The following ACACA variants were observed in gnomAD, a reference collection of about 807,000 sequenced individuals.
The protein encoded by ACACA is acetyl-CoA carboxylase 1.
A neutral mutation model predicts 296.1 loss-of-function variants in ACACA; 103 were observed. That is an observed-to-expected ratio of 0.35 (90% CI 0.30 to 0.41). The LOEUF is 0.41. Ranked by LOEUF, ACACA falls within the 10% of genes least tolerant of loss-of-function variation. The pLI is 1.00. For synonymous variants in ACACA, 953 were observed against 1,038.6 expected (o/e 0.92, Z 1.58); for missense variants, 1,554 against 2,989.7 (o/e 0.52, Z 11.20).
intron 48 of ACACA, 136 bp downstream of exon 48, chr17:37,125,562 G>T: frequency 1.1e-6 from 1 of 888,330 alleles, no homozygotes; most frequent in Non-Finnish European, 1.8e-6. Flanking sequence ...TTTGCCTTGG[G>T]CATGGCTATA....
intron 1 of ACACA, among the ~76,000 whole-genome samples, chr17:37,391,225 G>A (rs932918955): frequency 2.3e-4 from 35 of 152,022 alleles, no homozygotes; most frequent in Admixed American, 9.8e-4. Flanking sequence ...GTGACAGAGC[G>A]AGACTCTGTC....
chr17:37,241,148 T>C (rs1324684598), intron 23 of ACACA, among the ~76,000 whole-genome samples: 3 of 152,018 alleles, frequency 2.0e-5, no homozygotes, highest in Non-Finnish European at 2.9e-5. Flanking sequence ...TGAGCTGAGA[T>C]TGTGCTACTG....
intron 22 of ACACA, among the ~76,000 whole-genome samples, chr17:37,242,300 C>G (rs1410350684): frequency 6.6e-6 from 1 of 152,188 alleles, no homozygotes; most frequent in Non-Finnish European, 1.5e-5. Context: ...AAACTATCAT[C>G]TTACCAATAT....
intron 30 of ACACA, among the ~76,000 whole-genome samples, chr17:37,209,339 T>A (rs572136637): frequency 1.0e-3 from 157 of 152,334 alleles, no homozygotes; most frequent in Non-Finnish European, 2.0e-3. Flanking sequence ...TCTACTTGCT[T>A]GGCATTAGAC....
chr17:37,090,225 C>T (rs1040029962), intron 54 of ACACA, among the ~76,000 whole-genome samples: 1 of 152,168 alleles, frequency 6.6e-6, no homozygotes, highest in Non-Finnish European at 1.5e-5. Context: ...GAGCACTAGG[C>T]TATTTTCTAA....
intron 45 of ACACA, chr17:37,144,443 C>T (rs1262943667): frequency 3.3e-6 from 1 of 298,760 alleles, no homozygotes; most frequent in Non-Finnish European, 6.4e-6. Flanking sequence ...ATCTCTCCTT[C>T]CCTTCTTGAG....
At position 37,193,404 on chromosome 17, in the gene ACACA, A is replaced by G; in HGVS notation, c.4170T>C (p.Pro1390=). 1 of 1,602,178 alleles carries G rather than the reference A, an allele frequency of 6.2e-7. No homozygotes were observed. The highest frequency in any genetic ancestry group is 8.6e-7 in the Non-Finnish European group (1 of 1,169,412). ...EVDRRFHREF[P]KFFTFRARDK... is the part of the protein sequence containing the mutation. ...CCCTTGCTCGGAATGTAAAAAATTT[A>G]GGGAATTCTCTCTGTATTAAAGAAG... The change falls in exon 36 of 56, where the codon CCT becomes CCC. Residue 1390 remains proline (P), a synonymous_variant. Transcript: ENST00000616317.
intron 3 of ACACA, among the ~76,000 whole-genome samples, chr17:37,311,429 T>TAC (rs937738388): frequency 2.1e-5 from 3 of 145,580 alleles, no homozygotes; most frequent in Admixed American, 6.9e-5. Context: ...CACACACAAA[T>TAC]ACACACACAC....
At chr17:37,390,330 A>ATATATATATCTATATATATATATATATC (rs1386032855) in intron 1 of ACACA, among the ~76,000 whole-genome samples, 1 of 41,582 alleles carries the variant, frequency 2.4e-5, no homozygotes, top group African/African-American at 1.3e-4. Context: ...ATATATATAT[A>ATATATATATCTATATATATATATATATC]TATAAAAGGC....
At chr17:37,206,271 A>G (rs930071714) in intron 32 of ACACA, among the ~76,000 whole-genome samples, 1 of 152,214 alleles carries the variant, frequency 6.6e-6, no homozygotes, top group Non-Finnish European at 1.5e-5. Flanking sequence ...TTTCCTTACA[A>G]TTTATCAAAC....
chr17:37,138,879 T>G (rs907357352), intron 45 of ACACA, among the ~76,000 whole-genome samples: 1 of 152,154 alleles, frequency 6.6e-6, no homozygotes. Context: ...TGGGAGGTGG[T>G]AGGGAGCTGC....
intron 3 of ACACA, among the ~76,000 whole-genome samples, chr17:37,313,273 G>A (rs1216324774): frequency 6.6e-6 from 1 of 151,612 alleles, no homozygotes; most frequent in Non-Finnish European, 1.5e-5. Flanking sequence ...CATCCTGCAG[G>A]TGTACCCCAT....
chr17:37,203,857 T>G (rs2078383544), intron 33 of ACACA, among the ~76,000 whole-genome samples: 1 of 152,178 alleles, frequency 6.6e-6, no homozygotes, highest in Admixed American at 6.5e-5. Flanking sequence ...AGAAGGAAGG[T>G]AAATTTCTGT....
chr17:37,171,512 T>C (rs1241313210), intron 41 of ACACA, among the ~76,000 whole-genome samples: 1 of 152,188 alleles, frequency 6.6e-6, no homozygotes, highest in Non-Finnish European at 1.5e-5. Flanking sequence ...CATTGATATC[T>C]GGCAAATAAT....
At chr17:37,215,759 G>A (rs1217581244) in intron 29 of ACACA, among the ~76,000 whole-genome samples, 1 of 151,720 alleles carries the variant, frequency 6.6e-6, no homozygotes, top group East Asian at 1.9e-4. Flanking sequence ...TTCTGAATAG[G>A]AAAAAAGACA....
In ACACA at chr17:37,192,135, C is replaced by T; in HGVS notation, c.4371G>A (p.Arg1457=). 6.2e-7 allele frequency: 1 copy of T among 1,614,102 alleles called. No individual in the cohort carries two copies. Among genetic ancestry groups the T allele is most frequent in the Non-Finnish European group, 8.5e-7 (1 of 1,180,004 alleles). ...VEVGTEVTDY[R]FFVRAIIRHS... Reference sequence around the variant, plus strand: ...GCCTGATGATTGCACGAACAAAGAACCTGTAGTCTGTCACTTCTGTGCCCA... The same window carrying T: ...GCCTGATGATTGCACGAACAAAGAATCTGTAGTCTGTCACTTCTGTGCCCA... Residue 1457 remains arginine, a synonymous_variant, in exon 37 of 56, where the codon AGG becomes AGA. Coordinates refer to ENST00000616317, the MANE Select transcript of ACACA (RefSeq NM_198834.3).
intron 5 of ACACA, among the ~76,000 whole-genome samples, chr17:37,279,878 A>G (rs2082435308): frequency 6.6e-6 from 1 of 152,080 alleles, no homozygotes; most frequent in Non-Finnish European, 1.5e-5. Flanking sequence ...TTTGGTATAT[A>G]TATGTTTAAT....
chr17:37,339,967 G>C (rs893441435), intron 1 of ACACA, 117 bp from the exon 2 acceptor site: 16 of 567,030 alleles, frequency 2.8e-5, no homozygotes, highest in Non-Finnish European at 4.7e-5. Context: ...TATTTTACTG[G>C]TCAAATCTAT....
At chr17:37,132,109 C>G (rs1465062354) in intron 45 of ACACA, among the ~76,000 whole-genome samples, 1 of 152,210 alleles carries the variant, frequency 6.6e-6, no homozygotes, top group African/African-American at 2.4e-5. Context: ...CTAATAACAC[C>G]TCCGCCACGG....
Sources: gnomAD v4.1 joint callset for allele counts (sites outside exome capture counted in the v4.1 genomes callset) on GRCh38, gnomAD v4.1.1 for gene constraint, MANE v1.5 for transcripts, NCBI Gene and HGNC (gene_info 2026-07-23, HGNC 2026-07-21) for gene names.